Variants in DYM observed in about 807,000 individuals in gnomAD.
DYM encodes dyggve-Melchior-Clausen syndrome protein.
In DYM, 78 loss-of-function variants were observed where a neutral mutation model predicts 93.1. The ratio of observed to expected loss-of-function variants is 0.84; its 90% confidence interval spans 0.70 to 1.01. The LOEUF is 1.01. Among genes scored for constraint, DYM ranks in the 50% least tolerant of loss-of-function variants. The pLI, the probability that DYM is intolerant of heterozygous loss-of-function variation, is 0.00. For synonymous variants in DYM, 321 were observed against 319.7 expected, an observed-to-expected ratio of 1.00 and a Z score of -0.04; for missense variants, 789 against 845.0, an observed-to-expected ratio of 0.93 and a Z score of 0.82.
rs927899087 is a variant in DYM at position 49,039,192 on chromosome 18, G to T, written c.*4863C>A. The stretch of plus-strand genomic sequence containing the variant: ...ATTTTCCCTGATTAGAAATTTTTAG[G>T]TTGGCAGTCATTTTCTTTCAGAACC... On this transcript the variant is annotated 3_prime_UTR_variant, in exon 18 of 18. Coordinates refer to ENST00000675505, the MANE Select transcript of DYM (RefSeq NM_001353214.3). 2.6e-5 allele frequency among the ~76,000 whole-genome samples: 4 copies of T among 151,980 alleles called. No homozygotes were observed. The highest frequency in any genetic ancestry group is 2.0e-4 in the Admixed American group (3 of 15,252).
At chr18:49,436,120 C>T (rs1002073624) in intron 1 of DYM, among the ~76,000 whole-genome samples, 3 of 152,122 alleles carry the variant, frequency 2.0e-5, no homozygotes, top group African/African-American at 7.2e-5. Flanking sequence ...TCAAGCAATC[C>T]TTCCGCCTTA....
chr18:49,440,303 A>T (rs1349425051), intron 1 of DYM, among the ~76,000 whole-genome samples: 1 of 137,504 alleles, frequency 7.3e-6, no homozygotes, highest in East Asian at 2.4e-4. Flanking sequence ...CTATTCCAGA[A>T]TCGCTTTCCT....
chr18:49,420,776 G>A (rs1250651105), intron 2 of DYM, among the ~76,000 whole-genome samples: 2 of 152,078 alleles, frequency 1.3e-5, no homozygotes, highest in Non-Finnish European at 2.9e-5. Flanking sequence ...GGGAAGCCGT[G>A]ACAGACAGCA....
chr18:49,086,497 A>G (rs751993256), intron 17 of DYM, among the ~76,000 whole-genome samples: 1 of 152,214 alleles, frequency 6.6e-6, no homozygotes, highest in Non-Finnish European at 1.5e-5. Context: ...CTGGGGAATT[A>G]AGTCTCAACA....
At chr18:49,294,361 T>C (rs941968185) in intron 8 of DYM, among the ~76,000 whole-genome samples, 1 of 152,184 alleles carries the variant, frequency 6.6e-6, no homozygotes, top group African/African-American at 2.4e-5. Context: ...AGAAAGTCAA[T>C]GGTAGCTTGA....
chr18:49,037,842 T>C lies in DYM; in HGVS notation c.*6213A>G, dbSNP rs1424722110. On this transcript the variant is annotated 3_prime_UTR_variant, in exon 18 of 18. Transcript: ENST00000675505. ...TTCAGGTTTGTTGAGACTTTTTTTC[T>C]GAGACAGGGTCTTGCTCTGTCACCC... 6.6e-6 allele frequency among the ~76,000 whole-genome samples: 1 copy of C among 152,204 alleles called. No individual in the cohort carries two copies. Among genetic ancestry groups the C allele is most frequent in the East Asian group, 1.9e-4 (1 of 5,200 alleles).
chr18:49,388,955 A>G (rs2068908339), intron 3 of DYM, among the ~76,000 whole-genome samples: 1 of 151,530 alleles, frequency 6.6e-6, no homozygotes, highest in Non-Finnish European at 1.5e-5. Context: ...AATTGTTGCC[A>G]GTAGACCAGC....
At chr18:49,330,295 G>A (rs186429099) in intron 8 of DYM, among the ~76,000 whole-genome samples, 7 of 151,856 alleles carry the variant, frequency 4.6e-5, no homozygotes, top group African/African-American at 1.2e-4. Flanking sequence ...TTTTAAAACC[G>A]TGAGAAAAAA....
At chr18:49,157,241 C>T (rs2086570586) in intron 15 of DYM, among the ~76,000 whole-genome samples, 1 of 152,094 alleles carries the variant, frequency 6.6e-6, no homozygotes, top group Non-Finnish European at 1.5e-5. Context: ...GTGATCTCTA[C>T]CTCTCCATCT....
chr18:49,386,655 T>C (rs954133341), intron 3 of DYM, among the ~76,000 whole-genome samples: 4 of 152,172 alleles, frequency 2.6e-5, no homozygotes, highest in Non-Finnish European at 5.9e-5. Context: ...GATGACTAGA[T>C]GTCATGTGGC....
At chr18:49,307,795 A>C (rs767781639) in intron 8 of DYM, among the ~76,000 whole-genome samples, 1 of 152,234 alleles carries the variant, frequency 6.6e-6, no homozygotes, top group Non-Finnish European at 1.5e-5. Flanking sequence ...CCTTCCTTTG[A>C]ATAAAAGCAA....
chr18:49,289,404 T>TAAAAAAAAAAAAAAAAAAAAAAAA (rs56240607), intron 8 of DYM, among the ~76,000 whole-genome samples: 4 of 33,508 alleles, frequency 1.2e-4, no homozygotes, highest in African/African-American at 4.9e-4. Context: ...TACAAATCAG[T>TAAAAAAAAAAAAAAAAAAAAAAAA]AAAAAAAAAA....
intron 14 of DYM, among the ~76,000 whole-genome samples, chr18:49,164,372 T>G (rs1372050550): frequency 1.3e-5 from 2 of 152,134 alleles, no homozygotes; most frequent in Non-Finnish European, 2.9e-5. Flanking sequence ...TTTTCAGATG[T>G]AACACAACAT....
At chr18:49,396,976 G>A (rs566962248) in intron 2 of DYM, among the ~76,000 whole-genome samples, 6 of 152,254 alleles carry the variant, frequency 3.9e-5, no homozygotes, top group African/African-American at 1.4e-4. Context: ...AAAGGGATAA[G>A]TTCTAATGTT....
At chr18:49,451,308 C>G (rs750436914) in intron 1 of DYM, among the ~76,000 whole-genome samples, 10 of 152,112 alleles carry the variant, frequency 6.6e-5, no homozygotes, top group Non-Finnish European at 1.5e-4. Context: ...CAACAGGACA[C>G]AAATGGAAAA....
chr18:49,120,079 A>T (rs1156328396), intron 15 of DYM, among the ~76,000 whole-genome samples: 1 of 90,792 alleles, frequency 1.1e-5, no homozygotes, highest in African/African-American at 8.2e-5. Flanking sequence ...ATCCTGTCTC[A>T]AAAAAAAAAA....
In DYM at chr18:49,112,619, C is replaced by T. The variant is rs1261231065; in HGVS notation, c.1911+6125G>A. On this transcript the variant is annotated intron_variant, in intron 16 of 17. Transcript: ENST00000675505. Reference sequence around the variant, plus strand: ...TTTGTTAGGGTAGAACTCTTCCTAGCTTTCTATATCCTAAGCAGAAGTCCA... The same window carrying T: ...TTTGTTAGGGTAGAACTCTTCCTAGTTTTCTATATCCTAAGCAGAAGTCCA... Among the ~76,000 whole-genome samples, 4 of 152,142 alleles carry T rather than the reference C, an allele frequency of 2.6e-5. No homozygotes were observed. In the East Asian group the frequency reaches 7.7e-4, roughly 29 times the overall value.
At chr18:49,325,892 G>A (rs752018203) in intron 8 of DYM, among the ~76,000 whole-genome samples, 3 of 152,140 alleles carry the variant, frequency 2.0e-5, no homozygotes, top group Non-Finnish European at 2.9e-5. Flanking sequence ...ACGAGGAGGG[G>A]TCCATTAAAT....
intron 14 of DYM, among the ~76,000 whole-genome samples, chr18:49,201,025 A>G (rs1026279682): frequency 9.9e-5 from 15 of 152,202 alleles, no homozygotes; most frequent in Non-Finnish European, 1.5e-5. Flanking sequence ...TATCTTTAGT[A>G]TAACAAATTT....
Sources: gnomAD v4.1 joint callset for allele counts (sites outside exome capture counted in the v4.1 genomes callset) on GRCh38, gnomAD v4.1.1 for gene constraint, MANE v1.5 for transcripts, NCBI Gene and HGNC (gene_info 2026-07-23, HGNC 2026-07-21) for gene names.